Variants in PALM2AKAP2 observed in about 807,000 individuals in gnomAD.
PALM2AKAP2 encodes the protein PALM2-AKAP2 fusion protein.
A neutral mutation model predicts 71.5 loss-of-function variants in PALM2AKAP2; 37 were observed. The ratio of observed to expected loss-of-function variants is 0.52; its 90% CI spans 0.40 to 0.68. PALM2AKAP2 has a LOEUF of 0.68. PALM2AKAP2 is among the 30% of genes least tolerant of loss of function. The pLI is 0.00. For synonymous variants in PALM2AKAP2, 468 were observed against 478.8 expected (o/e 0.98, Z 0.29); for missense variants, 1,224 against 1,191.8 (o/e 1.03, Z -0.40).
intron 1 of PALM2AKAP2, among the ~76,000 whole-genome samples, chr9:110,124,166 T>C (rs894744888): frequency 3.9e-5 from 6 of 152,248 alleles, no homozygotes; most frequent in African/African-American, 1.4e-4. Flanking sequence ...AGAGCCTTCC[T>C]GGGCTCCATC....
chr9:109,655,493 T>C (rs1011163801), intron 1 of PALM2AKAP2, among the ~76,000 whole-genome samples: 1 of 152,116 alleles, frequency 6.6e-6, no homozygotes, highest in African/African-American at 2.4e-5. Flanking sequence ...AAGTGCATAA[T>C]TCAGTGGCAT....
chr9:110,021,429 G>T (rs1306048819), intron 7 of PALM2AKAP2, among the ~76,000 whole-genome samples: 1 of 152,200 alleles, frequency 6.6e-6, no homozygotes, highest in African/African-American at 2.4e-5. Flanking sequence ...AAGCCACCAA[G>T]TGTGTGGTAG....
intron 6 of PALM2AKAP2, among the ~76,000 whole-genome samples, chr9:110,002,182 A>ACGTC (rs1180044031): frequency 6.6e-6 from 1 of 152,138 alleles, no homozygotes; most frequent in Non-Finnish European, 1.5e-5. Flanking sequence ...ATTTTGAGAT[A>ACGTC]CGTCCCATCA....
intron 1 of PALM2AKAP2, among the ~76,000 whole-genome samples, chr9:109,644,371 C>T (rs1827117203): frequency 6.6e-6 from 1 of 152,204 alleles, no homozygotes; most frequent in Non-Finnish European, 1.5e-5. Flanking sequence ...GGACTCCATT[C>T]CCCTTACTTA....
chr9:109,748,653 G>A (rs961898849), intron 1 of PALM2AKAP2, among the ~76,000 whole-genome samples: 4 of 152,158 alleles, frequency 2.6e-5, no homozygotes, highest in Non-Finnish European at 4.4e-5. Flanking sequence ...TTTTGCTCTG[G>A]AAACTGGGAA....
intron 3 of PALM2AKAP2, among the ~76,000 whole-genome samples, chr9:110,164,328 CTG>C (rs1158682805): frequency 2.6e-5 from 4 of 152,024 alleles, no homozygotes; most frequent in African/African-American, 9.7e-5. Context: ...TTTAACATAT[CTG>C]TCTTTTGTTT....
At chr9:109,954,992 ACAC>A (rs1831720535) in intron 6 of PALM2AKAP2, among the ~76,000 whole-genome samples, 1 of 152,006 alleles carries the variant, frequency 6.6e-6, no homozygotes, top group African/African-American at 2.4e-5. Flanking sequence ...ACCAACACCA[ACAC>A]CACCACCATC....
intron 6 of PALM2AKAP2, among the ~76,000 whole-genome samples, chr9:110,015,110 T>C (rs572994544): frequency 6.6e-6 from 1 of 152,130 alleles, no homozygotes; most frequent in Non-Finnish European, 1.5e-5. Flanking sequence ...TTCTAAAGAC[T>C]TGGAGAGAGA....
chr9:110,026,349 G>A (rs1401788113), intron 7 of PALM2AKAP2, among the ~76,000 whole-genome samples: 1 of 152,172 alleles, frequency 6.6e-6, no homozygotes, highest in Non-Finnish European at 1.5e-5. Context: ...CAAAGTGTGA[G>A]ATTACAGGTG....
chr9:110,118,268 G>C (rs891330787), intron 1 of PALM2AKAP2, among the ~76,000 whole-genome samples: 1 of 151,234 alleles, frequency 6.6e-6, no homozygotes, highest in Admixed American at 6.6e-5. Flanking sequence ...TGGTTTTTGA[G>C]ATGGAGTCTT....
In PALM2AKAP2 at chr9:110,135,164, A is replaced by AAAAAAAAAAAAAAAATATATATATATAT; in HGVS notation, c.157-962_157-961insAAAAAAAAAAAAAATATATATATATATA. On this transcript the variant is annotated intron_variant, in intron 1 of 3. Coordinates refer to ENST00000374525, the Ensembl canonical transcript of PALM2AKAP2. ...AACTCTGTCTCTACAAAAAAAAAAA[A>AAAAAAAAAAAAAAAATATATATATATAT]ATATATAAATATATATATATATATA... Among the ~76,000 whole-genome samples the AAAAAAAAAAAAAAAATATATATATATAT allele has an allele frequency of 1.2e-4, 6 of 51,734 alleles. 1 individual carries two copies. The highest frequency in any genetic ancestry group is 1.5e-4 in the Non-Finnish European group (4 of 26,634). 33.9% of individuals were successfully genotyped at this position (51,734 alleles called of 152,430 possible).
chr9:110,060,485 C>A (rs1322838720), intron 1 of PALM2AKAP2, among the ~76,000 whole-genome samples: 1 of 152,180 alleles, frequency 6.6e-6, no homozygotes, highest in Non-Finnish European at 1.5e-5. Context: ...AGGTCAGGCC[C>A]ACAGGCCCTA....
At chr9:109,702,204 C>G (rs1442355004) in intron 1 of PALM2AKAP2, among the ~76,000 whole-genome samples, 1 of 152,044 alleles carries the variant, frequency 6.6e-6, no homozygotes, top group Non-Finnish European at 1.5e-5. Flanking sequence ...GGATCTAGAA[C>G]TAGAAATACC....
At chr9:109,845,462 T>C (rs1185317166) in intron 1 of PALM2AKAP2, among the ~76,000 whole-genome samples, 1 of 152,226 alleles carries the variant, frequency 6.6e-6, no homozygotes, top group East Asian at 1.9e-4. Context: ...ATTACTGTGG[T>C]GCTTCTCAGT....
At chr9:109,810,485 G>T (rs1827700598) in intron 1 of PALM2AKAP2, among the ~76,000 whole-genome samples, 1 of 152,184 alleles carries the variant, frequency 6.6e-6, no homozygotes, top group African/African-American at 2.4e-5. Flanking sequence ...GAGGCCAGAG[G>T]ATTGTCCACT....
intron 3 of PALM2AKAP2, among the ~76,000 whole-genome samples, chr9:109,906,736 G>T (rs555095086): frequency 1.3e-5 from 2 of 152,226 alleles, no homozygotes; most frequent in Non-Finnish European, 2.9e-5. Flanking sequence ...ATCCAAATCC[G>T]TTCTTTTCAC....
chr9:109,973,210 T>C (rs937739259), intron 6 of PALM2AKAP2, among the ~76,000 whole-genome samples: 33 of 152,236 alleles, frequency 2.2e-4, no homozygotes, highest in African/African-American at 7.7e-4. Flanking sequence ...ACTGGAGCAG[T>C]TGATCTGGTA....
intron 1 of PALM2AKAP2, among the ~76,000 whole-genome samples, chr9:110,077,970 C>T (rs1473576694): frequency 1.3e-5 from 2 of 150,296 alleles, no homozygotes; most frequent in African/African-American, 4.9e-5. Context: ...GCCGAGATCG[C>T]GCTACTGCAC....
chr9:109,800,285 A>G (rs1385145451), intron 1 of PALM2AKAP2, among the ~76,000 whole-genome samples: 1 of 152,258 alleles, frequency 6.6e-6, no homozygotes, highest in East Asian at 1.9e-4. Context: ...GTGATTAGGT[A>G]CTTAATATAT....
Sources: gnomAD v4.1 joint callset for allele counts (sites outside exome capture counted in the v4.1 genomes callset) on GRCh38, gnomAD v4.1.1 for gene constraint, MANE v1.5 for transcripts, NCBI Gene and HGNC (gene_info 2026-07-23, HGNC 2026-07-21) for gene names.